CUBN: variants seen among roughly 807,000 people sequenced by gnomAD.
The protein encoded by CUBN is 460 kDa receptor.
Under a neutral mutation model 405.3 loss-of-function variants are expected in CUBN, and 282 were observed. The observed-to-expected ratio is 0.70, with a 90% CI of 0.63 to 0.77. The LOEUF (loss-of-function observed/expected upper bound fraction) is 0.77, where lower values mean the gene tolerates loss of function less well. CUBN is among the 30% of genes least tolerant of loss of function. CUBN has a pLI of 0.00. For synonymous variants in CUBN, 1,684 were observed against 1,617.0 expected, an observed-to-expected ratio of 1.04 and a Z score of -0.99; for missense variants, 4,514 against 4,475.2, an observed-to-expected ratio of 1.01 and a Z score of -0.25.
intron 28 of CUBN, among the ~76,000 whole-genome samples, chr10:17,006,652 G>T (rs919695099): frequency 8.5e-5 from 13 of 152,136 alleles, no homozygotes; most frequent in Admixed American, 8.5e-4. Context: ...TTCTGCCAGT[G>T]CTCTAAAGAT....
At chr10:16,854,112 G>A (rs1403553660) in intron 59 of CUBN, among the ~76,000 whole-genome samples, 2 of 152,182 alleles carry the variant, frequency 1.3e-5, no homozygotes, top group Non-Finnish European at 2.9e-5. Flanking sequence ...CTGTTCCAAG[G>A]AGGAGGTGAT....
chr10:16,869,714 T>C lies in CUBN; in HGVS notation c.9376A>G (p.Asn3126Asp), dbSNP rs750933671. 1.2e-6 allele frequency: 2 copies of C among 1,614,094 alleles called. No individual in the cohort carries two copies. The highest frequency in any genetic ancestry group is 2.2e-5 in the East Asian group (1 of 44,886). The stretch of plus-strand genomic sequence containing the variant: ...GTCTTGAACACCAGGAGCATACTAT[T>C]ATTGCTGCTCTTCACATTTGGTGGG... ...KRPPNVKSSN[N>D]SMLLVFKTDS... Residue 3126 changes from asparagine (N) to aspartate (D), a missense_variant, in exon 59 of 67, where the codon AAT becomes GAT. Physicochemically the swap from Asn to Asp is conservative, Grantham distance 23. Around this residue, in one of 5 missense-constraint regions of CUBN, gnomAD observed 1,186 missense variants for 1,186.9 expected, o/e 1.00. Transcript: ENST00000377833.
chr10:16,987,719 C>T (rs1370397051), intron 29 of CUBN, among the ~76,000 whole-genome samples: 1 of 152,190 alleles, frequency 6.6e-6, no homozygotes, highest in Non-Finnish European at 1.5e-5. Context: ...CCACTACTAA[C>T]ATGTTATCAG....
intron 8 of CUBN, among the ~76,000 whole-genome samples, chr10:17,112,827 T>A (rs1836802175): frequency 6.6e-6 from 1 of 152,184 alleles, no homozygotes; most frequent in Non-Finnish European, 1.5e-5. Context: ...AGCTATGCGA[T>A]CTTGGGCAAG....
At chr10:17,113,955 G>A (rs1430812978) in intron 8 of CUBN, 72 bp downstream of exon 8, 2 of 1,465,802 alleles carry the variant, frequency 1.4e-6, no homozygotes, top group Non-Finnish European at 1.9e-6. Context: ...CTCATCAATA[G>A]TGAAAGAAAA....
At chr10:17,116,086 T>C (rs182247433) in intron 6 of CUBN, among the ~76,000 whole-genome samples, 1 of 152,222 alleles carries the variant, frequency 6.6e-6, no homozygotes, top group Admixed American at 6.5e-5. Flanking sequence ...ATGATCATTA[T>C]TATTATCTTA....
rs771156077 is a variant in CUBN, at chr10:16,828,981, T to C, written c.10588A>G (p.Thr3530Ala). The part of the protein sequence containing the change: ...GSFTSPGYPG[T>A]YPNNTYCEWV... The stretch of plus-strand genomic sequence containing the variant: ...TCGCAGTACGTGTTGTTTGGGTATG[T>C]GCCTGGATAGCCGGGGCTGGTGAAT... The change falls in exon 66 of 67, where the codon ACA (threonine) becomes GCA (alanine). Residue 3530 changes from threonine (T) to alanine (A), a missense_variant. Around this residue, in one of 5 missense-constraint regions of CUBN, gnomAD observed 1,186 missense variants for 1,186.9 expected, o/e 1.00. Coordinates refer to ENST00000377833, the MANE Select transcript of CUBN (RefSeq NM_001081.4). 6.2e-7 allele frequency: 1 copy of C among 1,614,064 alleles called. No homozygotes were observed. Among genetic ancestry groups the C allele is most frequent in the East Asian group, 2.2e-5 (1 of 44,890 alleles).
intron 27 of CUBN, among the ~76,000 whole-genome samples, chr10:17,027,456 C>G (rs575172763): frequency 4.5e-4 from 69 of 152,272 alleles, no homozygotes; most frequent in Middle Eastern, 3.4e-3. Flanking sequence ...GGAGCGATGA[C>G]AGGAAATCAA....
At position 17,114,018 on chromosome 10, in the gene CUBN, A is replaced by C. The variant is rs1391828633; in HGVS notation, c.883+9T>G. On this transcript the variant is annotated intron_variant, in intron 8 of 66. Coordinates refer to ENST00000377833, the MANE Select transcript of CUBN (RefSeq NM_001081.4). ...ATGCAGAGCCTGGCTTGTGGCCCTGAGAATGTACCTGTTGGACAGGCCCCA... is the reference window on the plus strand; with the variant it reads ...ATGCAGAGCCTGGCTTGTGGCCCTGCGAATGTACCTGTTGGACAGGCCCCA... The C allele has an allele frequency of 9.3e-6, 15 of 1,611,494 alleles. No homozygotes were observed. Among genetic ancestry groups the C allele is most frequent in the Non-Finnish European group, 1.0e-5 (12 of 1,178,900 alleles).
intron 31 of CUBN, among the ~76,000 whole-genome samples, chr10:16,957,622 A>G (rs1843102983): frequency 1.3e-5 from 2 of 152,218 alleles, no homozygotes; most frequent in South Asian, 2.1e-4. Context: ...TTTACACACT[A>G]TTGATGGGAA....
At chr10:16,862,202 C>T (rs7919796) in intron 59 of CUBN, among the ~76,000 whole-genome samples, 15,413 of 147,024 alleles carry the variant, frequency 0.1, 2,682 homozygotes, top group African/African-American at 0.37. Context: ...ACATCACATC[C>T]CTGGGTATTT....
intron 64 of CUBN, among the ~76,000 whole-genome samples, chr10:16,833,870 A>T (rs2131308039): frequency 6.6e-6 from 1 of 152,264 alleles, no homozygotes; most frequent in South Asian, 2.1e-4. Context: ...ACCTGATTAA[A>T]GAGGCAGTGA....
chr10:17,063,814 A>G (rs925042713), intron 22 of CUBN, among the ~76,000 whole-genome samples: 1 of 152,220 alleles, frequency 6.6e-6, no homozygotes, highest in Non-Finnish European at 1.5e-5. Flanking sequence ...GCACCAAATT[A>G]AAATTATGTT....
At chr10:17,113,122 G>C (rs111599137) in intron 8 of CUBN, among the ~76,000 whole-genome samples, 18 of 151,880 alleles carry the variant, frequency 1.2e-4, no homozygotes, top group Non-Finnish European at 4.4e-5. Flanking sequence ...AAAATTAGCC[G>C]GGTGTGGTGA....
At chr10:16,997,996 T>C (rs549129329) in intron 28 of CUBN, among the ~76,000 whole-genome samples, 26 of 151,458 alleles carry the variant, frequency 1.7e-4, no homozygotes, top group African/African-American at 6.1e-4. Context: ...CAAACTGGAG[T>C]GATCACGAGA....
rs1842996901 is a variant in CUBN, at chr10:16,954,468, GGA to G, written c.4774_4775del (p.Ser1592LeufsTer38). ...GREQLANPIV[S>X]SGNSLFLRFQ... ...ATCTCAAGAAGAGGCTGTTTCCTGA[GGA>G]GACGATGGGGTTAGCCAGCTGCTCC... On this transcript the variant is annotated frameshift_variant, in exon 32 of 67. Coordinates refer to ENST00000377833, the MANE Select transcript of CUBN (RefSeq NM_001081.4). LOFTEE classifies it high-confidence loss of function. 1 of 1,614,098 alleles carries G rather than the reference GGA, an allele frequency of 6.2e-7. No homozygotes were observed.
intron 54 of CUBN, among the ~76,000 whole-genome samples, chr10:16,892,994 T>C (rs757035336): frequency 1.3e-5 from 2 of 152,186 alleles, no homozygotes; most frequent in Non-Finnish European, 1.5e-5. Flanking sequence ...ATAATGGTGA[T>C]GACAATGGTA....
intron 17 of CUBN, among the ~76,000 whole-genome samples, chr10:17,076,999 T>C (rs943768667): frequency 1.1e-4 from 16 of 152,242 alleles, no homozygotes; most frequent in South Asian, 8.3e-4. Context: ...GACCAATATC[T>C]GAGTCTGGTT....
chr10:17,116,957 T>C (rs35430011), intron 6 of CUBN, among the ~76,000 whole-genome samples: 43,946 of 150,266 alleles, frequency 0.29, 7,830 homozygotes, highest in East Asian at 0.53. Context: ...GGTATAAATA[T>C]GTTCCATGCA....
Sources: allele counts gnomAD v4.1 joint callset (sites outside exome capture counted in the v4.1 genomes callset), GRCh38; gene constraint gnomAD v4.1.1; regional missense constraint gnomAD v4.1.1; transcripts MANE v1.5; gene names NCBI Gene and HGNC (gene_info 2026-07-23, HGNC 2026-07-21).